BTN2A1: variants seen among roughly 807,000 people sequenced by gnomAD.
BTN2A1 encodes the protein butyrophilin, subfamily 2, member A1.
Under a neutral mutation model 34.5 loss-of-function variants are expected in BTN2A1, and 41 were observed. The observed-to-expected ratio is 1.19, with a 90% CI of 0.93 to 1.54. The LOEUF is 1.54. BTN2A1 is among the 40% of genes most tolerant of loss of function. The probability of loss-of-function intolerance (pLI) is 0.00; values close to 1 mark genes in which losing one functional copy is unlikely to be tolerated. For missense variants in BTN2A1, 642 were observed against 662.0 expected, an observed-to-expected ratio of 0.97 and a Z score of 0.33; for synonymous variants, 267 against 258.6, an observed-to-expected ratio of 1.03 and a Z score of -0.31.
At chr6:26,458,851 A>C in intron 2 of BTN2A1, 133 bp downstream of exon 2, 1 of 1,195,650 alleles carries the variant, frequency 8.4e-7, no homozygotes, top group South Asian at 1.3e-5. Context: ...CATTGAATTT[A>C]TACCAGCACT....
rs1030111114 is a variant in BTN2A1, at chr6:26,463,250, G to T, written c.437G>T (p.Gly146Val). 3 of 1,602,868 alleles carry T rather than the reference G, an allele frequency of 1.9e-6. No individual in the cohort carries two copies. Among genetic ancestry groups the T allele is most frequent in the Non-Finnish European group, 2.6e-6 (3 of 1,174,648 alleles). ...AILHLVVAGL[G>V]SKPLISMRGH... ...CCCTGATATCTCTCCACAGGACTAG[G>T]CTCTAAGCCCCTCATTTCAATGAGG... Residue 146 changes from glycine (G) to valine (V), a missense_variant, in exon 4 of 8, where the codon GGC (glycine) becomes GTC (valine). Coordinates refer to ENST00000312541, the MANE Select transcript of BTN2A1 (RefSeq NM_007049.5).
At position 26,468,154 on chromosome 6, in the gene BTN2A1, G is replaced by T. The variant is rs1321476534; in HGVS notation, c.1189G>T (p.Glu397Ter). Residue 397 changes from glutamate to a stop codon, truncating the protein, a stop_gained, in exon 8 of 8, where the codon GAG becomes TAG. Coordinates refer to ENST00000312541, the MANE Select transcript of BTN2A1 (RefSeq NM_007049.5). LOFTEE classifies it low-confidence loss of function (END_TRUNC). ...GGAGGTGGAGGTGGAAAACGTGATT[G>T]AGTGGACTGTGGGGGTCTGTAGAGA... The part of the protein sequence containing the change: ...YWEVEVENVI[E>*]WTVGVCRDSV... The T allele has an allele frequency of 6.2e-7, 1 of 1,614,218 alleles. No individual in the cohort carries two copies. Among genetic ancestry groups the T allele is most frequent in the Non-Finnish European group, 8.5e-7 (1 of 1,180,038 alleles).
intron 4 of BTN2A1, 67 bp downstream of exon 4, chr6:26,463,592 G>C (rs1763232664): frequency 6.5e-7 from 1 of 1,539,832 alleles, no homozygotes; most frequent in Non-Finnish European, 8.9e-7. Context: ...ATGGAGCCCA[G>C]AACGGGGATG....
chr6:26,468,296 A>G lies in BTN2A1; in HGVS notation c.1331A>G (p.Lys444Arg), dbSNP rs375101301. The G allele has an allele frequency of 1.9e-6, 3 of 1,614,122 alleles. No homozygotes were observed. The highest frequency in any genetic ancestry group is 2.7e-5 in the African/African-American group (2 of 74,942). The change falls in exon 8 of 8, where the codon AAG (lysine) becomes AGG (arginine). Residue 444 changes from lysine to arginine, a missense_variant. Coordinates refer to ENST00000312541, the MANE Select transcript of BTN2A1 (RefSeq NM_007049.5). ...VSSPDRILPL[K>R]ESLCRVGVFL... ...TCCCCTGATAGGATTCTCCCTTTGA[A>G]GGAGTCCCTTTGCCGGGTGGGCGTC...
chr6:26,473,329 A>G (rs774578223), downstream of BTN2A1, among the ~76,000 whole-genome samples: 2 of 152,216 alleles, frequency 1.3e-5, no homozygotes, highest in Admixed American at 6.5e-5. Context: ...ACAAATACAC[A>G]TGAAAATACA....
At chr6:26,466,947 A>G (rs776316646) in intron 7 of BTN2A1, among the ~76,000 whole-genome samples, 7 of 152,230 alleles carry the variant, frequency 4.6e-5, no homozygotes, top group Non-Finnish European at 1.0e-4. Flanking sequence ...TACCTACAGA[A>G]GTGATATGTG....
At position 26,458,031 on chromosome 6, in the gene BTN2A1, G is replaced by A. The variant is rs1261477337; in HGVS notation, c.-142G>A. 1 of 152,372 alleles carries A rather than the reference G, an allele frequency of 6.6e-6. No individual in the cohort carries two copies. Among genetic ancestry groups the A allele is most frequent in the Non-Finnish European group, 1.5e-5 (1 of 68,112 alleles). 9.4% of individuals were successfully genotyped at this position (152,372 alleles called of 1,614,324 possible). ...ACAATTTTTTCTCCTCTTTTGGGAA[G>A]GTTTGTGTCTAGTAGTGCCTGTGCC... On this transcript the variant is annotated 5_prime_UTR_variant, in exon 1 of 8. Coordinates refer to ENST00000312541, the MANE Select transcript of BTN2A1 (RefSeq NM_007049.5).
chr6:26,473,765 A>G (rs1763489813), downstream of BTN2A1, among the ~76,000 whole-genome samples: 1 of 152,234 alleles, frequency 6.6e-6, no homozygotes. Flanking sequence ...CTGATTGTAC[A>G]CGTAACACAC....
chr6:26,465,928 A>G, intron 5 of BTN2A1, 25 bp from the exon 6 acceptor site: 1 of 1,614,168 alleles, frequency 6.2e-7, no homozygotes, highest in Non-Finnish European at 8.5e-7. Flanking sequence ...TGTCAAAGAC[A>G]TGATTTTCTT....
rs1763076627 is a variant in BTN2A1, at chr6:26,458,696, C to T, written c.60C>T (p.Leu20=). ...CAGCCTCCCTCCTCCTCCTCCTCCT[C>T]AGCCTGTGTGCACTGGTCTCAGGTA... is the stretch of plus-strand genomic sequence containing the variant. ...SRPASLLLLL[L]SLCALVSAQF... The change falls in exon 2 of 8, where the codon CTC becomes CTT. Residue 20 remains leucine, a synonymous_variant. Transcript: ENST00000312541. 1.2e-6 allele frequency: 2 copies of T among 1,614,166 alleles called. No individual in the cohort carries two copies. The highest frequency in any genetic ancestry group is 4.5e-5 in the East Asian group (2 of 44,884).
downstream of BTN2A1, among the ~76,000 whole-genome samples, chr6:26,474,218 C>T (rs1235410078): frequency 2.0e-5 from 3 of 152,176 alleles, no homozygotes; most frequent in Non-Finnish European, 2.9e-5. Context: ...AGCTGAGTCT[C>T]AGCCAATCCC....
At chr6:26,473,779 T>A (rs1042817565), downstream of BTN2A1, among the ~76,000 whole-genome samples, 2 of 152,240 alleles carry the variant, frequency 1.3e-5, no homozygotes, top group South Asian at 4.1e-4. Context: ...AACACACACA[T>A]TAATGATTCA....
chr6:26,467,971 A>G lies in BTN2A1; in HGVS notation c.1006A>G (p.Thr336Ala). 1 of 1,613,652 alleles carries G rather than the reference A, an allele frequency of 6.2e-7. No homozygotes were observed. The highest frequency in any genetic ancestry group is 8.5e-7 in the Non-Finnish European group (1 of 1,179,618). Residue 336 changes from threonine (T) to alanine (A), a missense_variant, in exon 8 of 8, where the codon ACC (threonine) becomes GCC (alanine). Physicochemically the swap from Thr to Ala is moderately conservative, Grantham distance 58. Transcript: ENST00000312541. ...HAVDVVLDPD[T>A]AHPDLFLSED... ...AGTTGATGTGGTCCTGGATCCAGAC[A>G]CCGCTCATCCCGATCTCTTCCTGTC...
At chr6:26,471,047 T>C (rs1431308604), downstream of BTN2A1, among the ~76,000 whole-genome samples, 1 of 152,224 alleles carries the variant, frequency 6.6e-6, no homozygotes, top group Non-Finnish European at 1.5e-5. Context: ...GTGTTTTGGA[T>C]TTTAGACAAC....
chr6:26,463,094 C>A (rs1335893292), intron 3 of BTN2A1, 150 bp from the exon 4 acceptor site: 9 of 1,029,102 alleles, frequency 8.7e-6, no homozygotes, highest in Non-Finnish European at 1.4e-6. Context: ...TTCTTCCTTA[C>A]CCTCATCCTT....
At position 26,468,249 on chromosome 6, in the gene BTN2A1, A is replaced by G; in HGVS notation, c.1284A>G (p.Lys428=). The G allele has an allele frequency of 6.2e-7, 1 of 1,614,168 alleles. No individual in the cohort carries two copies. The highest frequency in any genetic ancestry group is 8.5e-7 in the Non-Finnish European group (1 of 1,180,026). The change falls in exon 8 of 8, where the codon AAA becomes AAG. Residue 428 remains lysine (K), a synonymous_variant. Transcript: ENST00000312541. ...GCTTCTGGACCTTGGAGATGCATAA[A>G]GGGCAATACCGGGCCGTGTCCTCCC... The part of the protein sequence containing the change: ...QNGFWTLEMH[K]GQYRAVSSPD...
In BTN2A1 at chr6:26,465,988, T is replaced by A. The variant is rs536955053; in HGVS notation, c.955+15T>A. ...AGAAGAATTGCGTAAGTTTAGCCTT[T>A]CCTTAACTACATGTACAATTTGAGT... is the stretch of plus-strand genomic sequence containing the variant. On this transcript the variant is annotated intron_variant, in intron 6 of 7. Coordinates refer to ENST00000312541, the MANE Select transcript of BTN2A1 (RefSeq NM_007049.5). The A allele has an allele frequency of 1.2e-6, 2 of 1,614,236 alleles. No homozygotes were observed. Among genetic ancestry groups the A allele is most frequent in the East Asian group, 4.5e-5 (2 of 44,890 alleles).
chr6:26,472,226 G>T (rs1264190495), downstream of BTN2A1, among the ~76,000 whole-genome samples: 1 of 152,204 alleles, frequency 6.6e-6, no homozygotes, highest in Non-Finnish European at 1.5e-5. Context: ...TAAGGGGAGT[G>T]TAAGGGTCTA....
intron 7 of BTN2A1, 45 bp from the exon 8 acceptor site, chr6:26,467,903 A>T: frequency 6.3e-7 from 1 of 1,588,548 alleles, no homozygotes; most frequent in Non-Finnish European, 8.6e-7. Flanking sequence ...CACAATCCCC[A>T]GGGTTCCTGA....
Sources: gnomAD v4.1 joint callset for allele counts (sites outside exome capture counted in the v4.1 genomes callset) on GRCh38, gnomAD v4.1.1 for gene constraint, MANE v1.5 for transcripts, NCBI Gene and HGNC (gene_info 2026-07-23, HGNC 2026-07-21) for gene names.